IL17RD: variants seen among roughly 807,000 people sequenced by gnomAD.
The protein encoded by IL17RD is interleukin 17 receptor D, also known as interleukin-17 receptor D.
A neutral mutation model predicts 80.5 loss-of-function variants in IL17RD; 52 were observed. That is an observed-to-expected ratio of 0.65 (90% CI 0.52 to 0.81). IL17RD has a LOEUF of 0.81. Ranked by LOEUF, IL17RD falls within the 40% of genes least tolerant of loss-of-function variation. The probability of loss-of-function intolerance (pLI) is 0.00; values close to 1 mark genes in which losing one functional copy is unlikely to be tolerated. For missense variants in IL17RD, 1,024 were observed against 955.1 expected (o/e 1.07, Z -0.95); for synonymous variants, 416 against 391.8 (o/e 1.06, Z -0.73).
chr3:57,161,783 T>G (rs1348583959), intron 1 of IL17RD, among the ~76,000 whole-genome samples: 1 of 152,218 alleles, frequency 6.6e-6, no homozygotes, highest in Admixed American at 6.5e-5. Context: ...CAAACTTGCT[T>G]CTAGTTGCAA....
chr3:57,165,382 A>G (rs1265838287), upstream of IL17RD: 11 of 1,071,758 alleles, frequency 1.0e-5, no homozygotes, highest in Middle Eastern at 3.9e-4. Context: ...CCGCGGCGGC[A>G]GCGAAGGGGA....
chr3:57,169,344 A>T (rs369542524), upstream of IL17RD: 41 of 468,292 alleles, frequency 8.8e-5, no homozygotes, highest in Non-Finnish European at 1.5e-4. Flanking sequence ...TCTGTCTGGC[A>T]CGCTTCAGTG....
chr3:57,124,489 A>G (rs1707407408), intron 1 of IL17RD, among the ~76,000 whole-genome samples: 2 of 149,452 alleles, frequency 1.3e-5, no homozygotes, highest in Admixed American at 1.4e-4. Context: ...AGAGAGAAAG[A>G]GAGATCGATT....
Position 57,097,559 on chromosome 3 carries a change from T to TGC in IL17RD, c.2107+35_2107+36dup. 4.0e-6 allele frequency: 6 copies of TGC among 1,482,172 alleles called. 1 individual carries two copies. In the South Asian group the frequency reaches 7.3e-5, roughly 18 times the overall value. The allele number at this position is 1,482,172 out of a possible 1,614,324, so 91.8% of individuals were successfully genotyped here. A position where few individuals can be genotyped will look rare whatever the true frequency, so the allele number is the denominator to read the frequency against. ...TGATTTCAGAAGCATGGTCAAAGGC[T>TGC]GCGGCCTGTTAGGACCCGGCCCCAA... is the stretch of plus-strand genomic sequence containing the variant. On this transcript the variant is annotated intron_variant, in intron 12 of 12. Coordinates refer to ENST00000296318, the MANE Select transcript of IL17RD (RefSeq NM_017563.5).
In IL17RD at chr3:57,098,055, G is replaced by C. The variant is rs769141799; in HGVS notation, c.1648C>G (p.His550Asp). The change falls in exon 12 of 13, where the codon CAC becomes GAC. Residue 550 changes from histidine to aspartate, a missense_variant. Transcript: ENST00000296318. The part of the protein sequence containing the change: ...RSLYVAICNM[H>D]QFIDEEPDWF... ...TCGGGCTCCTCGTCAATAAACTGGTGCATGTTGCAAATGGCGACGTATAGG... is the reference window on the plus strand; with the variant it reads ...TCGGGCTCCTCGTCAATAAACTGGTCCATGTTGCAAATGGCGACGTATAGG... The C allele has an allele frequency of 1.2e-6, 2 of 1,613,890 alleles. No individual in the cohort carries two copies. Among genetic ancestry groups the C allele is most frequent in the South Asian group, 1.1e-5 (1 of 91,088 alleles).
chr3:57,135,501 T>A (rs572261372), intron 1 of IL17RD, among the ~76,000 whole-genome samples: 1 of 152,332 alleles, frequency 6.6e-6, no homozygotes. Context: ...AAAATAAAAT[T>A]AAGTACAAAG....
rs1449641281 is a variant in IL17RD, at chr3:57,165,321, G to A, written c.-35C>T. On this transcript the variant is annotated 5_prime_UTR_variant, in exon 1 of 13. Transcript: ENST00000296318. Reference sequence around the variant, plus strand: ...CTCGCCCAGCCAGGCCGTTCTCTGCGCCCCGGCCGCCCGCCGCTGGCCAGC... The same window carrying A: ...CTCGCCCAGCCAGGCCGTTCTCTGCACCCCGGCCGCCCGCCGCTGGCCAGC... 3.0e-6 allele frequency: 4 copies of A among 1,314,080 alleles called. No individual in the cohort carries two copies. Among genetic ancestry groups the A allele is most frequent in the South Asian group, 2.1e-5 (1 of 47,094 alleles). 81.4% of individuals were successfully genotyped at this position (1,314,080 alleles called of 1,614,324 possible).
chr3:57,147,819 A>C (rs1707963427), intron 1 of IL17RD, among the ~76,000 whole-genome samples: 1 of 152,256 alleles, frequency 6.6e-6, no homozygotes, highest in Non-Finnish European at 1.5e-5. Flanking sequence ...CAGTGATTAT[A>C]GCAGCTATGC....
intron 1 of IL17RD, among the ~76,000 whole-genome samples, chr3:57,133,894 G>A (rs1024513355): frequency 6.6e-6 from 1 of 152,162 alleles, no homozygotes; most frequent in Admixed American, 6.5e-5. Flanking sequence ...AGAAATCAAT[G>A]TATCTTGCCA....
intron 1 of IL17RD, among the ~76,000 whole-genome samples, chr3:57,148,568 C>G (rs1477568940): frequency 6.6e-6 from 1 of 152,194 alleles, no homozygotes; most frequent in Non-Finnish European, 1.5e-5. Flanking sequence ...AAAGTCCACA[C>G]TCCCTGAATC....
At chr3:57,150,071 T>G (rs992312099) in intron 1 of IL17RD, among the ~76,000 whole-genome samples, 3 of 152,098 alleles carry the variant, frequency 2.0e-5, no homozygotes, top group Admixed American at 1.3e-4. Context: ...TCCAAAACCC[T>G]GGCAATCACT....
At chr3:57,163,931 G>A (rs1467702614) in intron 1 of IL17RD, among the ~76,000 whole-genome samples, 2 of 152,150 alleles carry the variant, frequency 1.3e-5, no homozygotes, top group African/African-American at 2.4e-5. Context: ...GGGACTGTGG[G>A]GCAAGTGAGC....
intron 8 of IL17RD, 51 bp downstream of exon 8, chr3:57,104,291 G>A: frequency 8.0e-7 from 1 of 1,250,468 alleles, no homozygotes; most frequent in South Asian, 1.3e-5. Context: ...AATTCTATAT[G>A]AACTGGGTTC....
Position 57,134,297 on chromosome 3 carries a change from T to C in IL17RD, c.127-13984A>G, listed in dbSNP as rs977662385. ...AAGATGGGCTGATCATCTACAAACC[T>C]GTGACTTTCCATTCCCGGGCTTGAT... is the stretch of plus-strand genomic sequence containing the variant. On this transcript the variant is annotated intron_variant, in intron 1 of 12. Coordinates refer to ENST00000296318, the MANE Select transcript of IL17RD (RefSeq NM_017563.5). 4.4e-6 allele frequency: 3 copies of C among 683,434 alleles called. No homozygotes were observed. In the African/African-American group the frequency reaches 5.3e-5, roughly 12 times the overall value. The allele number at this position is 683,434 out of a possible 1,614,324, so 42.3% of individuals were successfully genotyped here.
intron 1 of IL17RD, among the ~76,000 whole-genome samples, chr3:57,121,204 C>T (rs1340126328): frequency 6.6e-6 from 1 of 152,200 alleles, no homozygotes; most frequent in Non-Finnish European, 1.5e-5. Context: ...CAGCCACACA[C>T]CTGAAGTTTC....
intron 5 of IL17RD, among the ~76,000 whole-genome samples, chr3:57,109,137 TTTTG>T (rs770073637): frequency 2.0e-4 from 31 of 152,260 alleles, no homozygotes; most frequent in African/African-American, 4.8e-4. Context: ...TTGGCATGTT[TTTTG>T]TTTGTTTGTT....
Position 57,114,836 on chromosome 3 carries a change from G to T in IL17RD, c.185-19C>A. ...GTACAATCTAGAGAGTAGGGAGAAT[G>T]AGAACAGTTAAATTTAAAATTTCAT... is the stretch of plus-strand genomic sequence containing the variant. On this transcript the variant is annotated intron_variant, in intron 2 of 12. Coordinates refer to ENST00000296318, the MANE Select transcript of IL17RD (RefSeq NM_017563.5). 1 of 1,531,116 alleles carries T rather than the reference G, an allele frequency of 6.5e-7. No homozygotes were observed. The highest frequency in any genetic ancestry group is 1.3e-5 in the South Asian group (1 of 79,536). The allele number at this position is 1,531,116 out of a possible 1,614,324, so 94.8% of individuals were successfully genotyped here. A position where few individuals can be genotyped will look rare whatever the true frequency, so the allele number is the denominator to read the frequency against.
chr3:57,127,916 T>C (rs997759414), intron 1 of IL17RD, among the ~76,000 whole-genome samples: 1 of 152,150 alleles, frequency 6.6e-6, no homozygotes, highest in Admixed American at 6.5e-5. Context: ...CCCCACTTAC[T>C]TCAGTTCAAA....
intron 2 of IL17RD, among the ~76,000 whole-genome samples, chr3:57,119,157 C>A (rs1474222522): frequency 6.6e-6 from 1 of 152,116 alleles, no homozygotes; most frequent in East Asian, 1.9e-4. Flanking sequence ...TCAAGACCAT[C>A]CTGGCTAACA....
Sources: allele counts gnomAD v4.1 joint callset (sites outside exome capture counted in the v4.1 genomes callset), GRCh38; gene constraint gnomAD v4.1.1; transcripts MANE v1.5; gene names NCBI Gene and HGNC (gene_info 2026-07-23, HGNC 2026-07-21).